Variants in METTL15 observed in about 807,000 individuals in gnomAD.
METTL15 encodes the protein methyltransferase 15, mitochondrial 12S rRNA N4-cytidine, also known as 12S rRNA N(4)-cytidine methyltransferase METTL15.
METTL15 carries 34 observed loss-of-function variants against 38.3 expected under a neutral mutation model. The ratio of observed to expected loss-of-function variants is 0.89; its 90% CI spans 0.68 to 1.18. The LOEUF (loss-of-function observed/expected upper bound fraction) is 1.18, where lower values mean the gene tolerates loss of function less well. Ranked by LOEUF, METTL15 falls within the 50% of genes most tolerant of loss-of-function variation. The pLI is 0.00. For synonymous variants in METTL15, 162 were observed against 170.9 expected, an observed-to-expected ratio of 0.95 and a Z score of 0.41; for missense variants, 438 against 498.4, an observed-to-expected ratio of 0.88 and a Z score of 1.15.
chr11:28,238,662 C>G (rs1187087748), intron 4 of METTL15, among the ~76,000 whole-genome samples: 1 of 152,224 alleles, frequency 6.6e-6, no homozygotes, highest in African/African-American at 2.4e-5. Flanking sequence ...AACCCGGTAC[C>G]TCAGATGGAA....
chr11:28,428,408 T>C (rs972649885), intron 6 of METTL15, among the ~76,000 whole-genome samples: 1 of 152,208 alleles, frequency 6.6e-6, no homozygotes, highest in Non-Finnish European at 1.5e-5. Flanking sequence ...TGCATAATTG[T>C]ATATACAATC....
chr11:28,217,007 T>C (rs1406163661), intron 4 of METTL15, among the ~76,000 whole-genome samples: 1 of 152,044 alleles, frequency 6.6e-6, no homozygotes, highest in Admixed American at 6.6e-5. Context: ...TTGTGAATAG[T>C]GCCACAATAA....
chr11:28,287,448 T>C, intron 4 of METTL15: 1 of 431,286 alleles, frequency 2.3e-6, no homozygotes, highest in Non-Finnish European at 4.6e-6. Context: ...TCACAACAAT[T>C]TTCCTAGCAA....
At chr11:28,478,172 T>C (rs137980464) in intron 6 of METTL15, among the ~76,000 whole-genome samples, 3 of 152,226 alleles carry the variant, frequency 2.0e-5, no homozygotes, top group Non-Finnish European at 4.4e-5. Flanking sequence ...TCTGGAAGAA[T>C]CTGGAACCTC....
At chr11:28,473,293 C>T (rs1851317486) in intron 6 of METTL15, among the ~76,000 whole-genome samples, 1 of 152,036 alleles carries the variant, frequency 6.6e-6, no homozygotes, top group African/African-American at 2.4e-5. Context: ...GGTGGTATGC[C>T]ACCAACAAGT....
chr11:28,194,122 A>ATCTTTCTTTCTTTCTTTCTT (rs57046097), intron 3 of METTL15, among the ~76,000 whole-genome samples: 19,625 of 98,906 alleles, frequency 0.2, 3,128 homozygotes, highest in East Asian at 0.27. Context: ...TTGATGGTTG[A>ATCTTTCTTTCTTTCTTTCTT]TCTTTCTTTC....
intron 3 of METTL15, among the ~76,000 whole-genome samples, chr11:28,180,466 C>G (rs1013571682): frequency 4.6e-5 from 7 of 151,704 alleles, no homozygotes; most frequent in African/African-American, 1.7e-4. Context: ...GCTTTTCCTT[C>G]CCTTTTGACT....
At chr11:28,162,421 TA>T (rs973377495) in intron 3 of METTL15, among the ~76,000 whole-genome samples, 6 of 152,182 alleles carry the variant, frequency 3.9e-5, no homozygotes, top group African/African-American at 1.4e-4. Flanking sequence ...GGTAAATGGT[TA>T]TTCAATAATG....
rs373429550 is a variant in METTL15 at position 28,306,953 on chromosome 11, G to C, written c.778+10022G>C. 5.9e-5 allele frequency among the ~76,000 whole-genome samples: 9 copies of C among 151,924 alleles called. No homozygotes were observed. The South Asian group carries it at 1.9e-3, about 32-fold the overall frequency. ...GAATATCTAGGAAATGTGTTTGTTA[G>C]AATTTTTAAAATAGGAATTTGTTAA... On this transcript the variant is annotated intron_variant, in intron 6 of 6. Transcript: ENST00000407364.
Position 28,340,634 on chromosome 11 carries a change from G to A in METTL15, c.*190-11456G>A, listed in dbSNP as rs188877000. On this transcript the variant is annotated intron_variant and NMD_transcript_variant, in intron 3 of 7. Coordinates refer to the METTL15 transcript ENST00000532947. ...AGACCACAATGAGATACCATCTCAC[G>A]CCAGCTAGAATGGTGATCATTAAAA... is the stretch of plus-strand genomic sequence containing the variant. Among the ~76,000 whole-genome samples, 5 of 152,212 alleles carry A rather than the reference G, an allele frequency of 3.3e-5. No homozygotes were observed. The East Asian group carries it at 9.7e-4, about 29-fold the overall frequency.
intron 4 of METTL15, among the ~76,000 whole-genome samples, chr11:28,282,672 A>T (rs941896385): frequency 6.6e-6 from 1 of 152,182 alleles, no homozygotes. Flanking sequence ...GGATTGCCCT[A>T]CATTGTTACT....
At chr11:28,239,409 C>T (rs1191658104) in intron 4 of METTL15, among the ~76,000 whole-genome samples, 3 of 152,210 alleles carry the variant, frequency 2.0e-5, no homozygotes, top group Non-Finnish European at 4.4e-5. Flanking sequence ...ACTCTACCTT[C>T]AAGGTGTATA....
chr11:28,504,589 CT>C (rs573438483), intron 6 of METTL15, among the ~76,000 whole-genome samples: 110 of 152,292 alleles, frequency 7.2e-4, no homozygotes, highest in African/African-American at 2.6e-3. Context: ...TTTGCAATCT[CT>C]TAACTAAGTC....
In METTL15 at chr11:28,261,627, A is replaced by G. The variant is rs746503414; in HGVS notation, c.408-28579A>G. ...TCTGTGCTCATGATGTAAGAGATAAATATTTTATATTTTATACCACCCGTA... is the reference window on the plus strand; with the variant it reads ...TCTGTGCTCATGATGTAAGAGATAAGTATTTTATATTTTATACCACCCGTA... On this transcript the variant is annotated intron_variant, in intron 4 of 6. Transcript: ENST00000407364. The G allele has an allele frequency of 3.3e-5, 5 of 152,318 alleles. No homozygotes were observed. The South Asian group carries it at 8.3e-4, about 25-fold the overall frequency. The allele number at this position is 152,318 out of a possible 1,614,324, so 9.4% of individuals were successfully genotyped here.
chr11:28,303,191 G>C (rs185850949), intron 6 of METTL15, among the ~76,000 whole-genome samples: 154 of 152,270 alleles, frequency 1.0e-3, no homozygotes, highest in African/African-American at 3.6e-3. Context: ...ATGCTAACTA[G>C]TTTAATGAAA....
chr11:28,167,535 A>C (rs1164844620), intron 3 of METTL15, among the ~76,000 whole-genome samples: 1 of 152,042 alleles, frequency 6.6e-6, no homozygotes, highest in Admixed American at 6.6e-5. Context: ...CCTGAGTCTT[A>C]GCAGCCCTCC....
intron 5 of METTL15, among the ~76,000 whole-genome samples, chr11:28,387,467 C>A (rs1018908185): frequency 6.6e-6 from 1 of 151,796 alleles, no homozygotes. Context: ...ATTTACAGAA[C>A]CATGCAAACT....
chr11:28,454,432 T>G (rs1465110966), intron 6 of METTL15, among the ~76,000 whole-genome samples: 2 of 152,222 alleles, frequency 1.3e-5, no homozygotes. Flanking sequence ...TTAATAGAAG[T>G]TCTTCTGAGG....
At chr11:28,378,761 GTTT>G (rs61227879) in intron 5 of METTL15, among the ~76,000 whole-genome samples, 3 of 123,918 alleles carry the variant, frequency 2.4e-5, no homozygotes, top group Non-Finnish European at 4.9e-5. Flanking sequence ...CTCCTCTTCA[GTTT>G]TTTTTTTTTT....
Sources: gnomAD v4.1 joint callset for allele counts (sites outside exome capture counted in the v4.1 genomes callset) on GRCh38, gnomAD v4.1.1 for gene constraint, MANE v1.5 for transcripts, NCBI Gene and HGNC (gene_info 2026-07-23, HGNC 2026-07-21) for gene names.